Variants in SNX25 observed in about 807,000 individuals in gnomAD.
SNX25 encodes the protein sorting nexin 25, also known as sorting nexin-25.
Under a neutral mutation model 113.7 loss-of-function variants are expected in SNX25, and 62 were observed. The ratio of observed to expected loss-of-function variants is 0.55; its 90% confidence interval spans 0.44 to 0.67. The LOEUF (loss-of-function observed/expected upper bound fraction) is 0.67, where lower values mean the gene tolerates loss of function less well. Ranked by LOEUF, SNX25 falls within the 30% of genes least tolerant of loss-of-function variation. The pLI, the probability that SNX25 is intolerant of heterozygous loss-of-function variation, is 0.00. For synonymous variants in SNX25, 421 were observed against 436.2 expected (o/e 0.97, Z 0.43); for missense variants, 1,014 against 1,161.0 (o/e 0.87, Z 1.84).
intron 1 of SNX25, among the ~76,000 whole-genome samples, chr4:185,245,892 AT>A (rs986355440): frequency 2.0e-5 from 3 of 151,796 alleles, no homozygotes; most frequent in East Asian, 1.9e-4. Context: ...GTTACTTCCA[AT>A]TTTTTTTGCC....
intron 1 of SNX25, among the ~76,000 whole-genome samples, chr4:185,228,529 T>G (rs1741354345): frequency 6.6e-6 from 1 of 152,124 alleles, no homozygotes; most frequent in Non-Finnish European, 1.5e-5. Context: ...TAGAGGATAA[T>G]TTTTTTATTT....
chr4:185,272,489 G>T (rs116359547), intron 5 of SNX25, among the ~76,000 whole-genome samples: 1 of 152,178 alleles, frequency 6.6e-6, no homozygotes, highest in African/African-American at 2.4e-5. Context: ...CAGTGCATTT[G>T]TAAACTGTGT....
At chr4:185,251,690 C>T (rs1316097554) in intron 2 of SNX25, among the ~76,000 whole-genome samples, 2 of 151,354 alleles carry the variant, frequency 1.3e-5, no homozygotes, top group African/African-American at 2.4e-5. Context: ...TTGCTTTCCA[C>T]CTTTTGGCTA....
At chr4:185,339,356 C>T (rs1338813644) in intron 10 of SNX25, 23 bp from the exon 11 acceptor site, 9 of 1,611,796 alleles carry the variant, frequency 5.6e-6, no homozygotes, top group Non-Finnish European at 5.9e-6. Context: ...TTCATAACTC[C>T]CAGGATATTT....
chr4:185,224,466 A>AATATATAAATATATAGATATATAAATAG (rs1740564654), intron 1 of SNX25, among the ~76,000 whole-genome samples: 3 of 103,620 alleles, frequency 2.9e-5, no homozygotes, highest in Non-Finnish European at 4.2e-5. Flanking sequence ...TAGATATATA[A>AATATATAAATATATAGATATATAAATAG]ATATATAAAT....
chr4:185,289,726 A>C (rs1399284302), intron 6 of SNX25, among the ~76,000 whole-genome samples: 1 of 152,158 alleles, frequency 6.6e-6, no homozygotes, highest in Non-Finnish European at 1.5e-5. Context: ...TCACTTCCAG[A>C]CAGATGGATA....
intron 7 of SNX25, among the ~76,000 whole-genome samples, chr4:185,312,108 T>G (rs1238775715): frequency 6.6e-6 from 1 of 152,176 alleles, no homozygotes; most frequent in South Asian, 2.1e-4. Flanking sequence ...CCTCTTAGAT[T>G]AATTTCTAGC....
intron 6 of SNX25, among the ~76,000 whole-genome samples, chr4:185,305,167 G>A: frequency 6.6e-6 from 1 of 152,142 alleles, no homozygotes; most frequent in Middle Eastern, 3.2e-3. Context: ...TGGGGGAAGG[G>A]ATGCTACTGG....
chr4:185,368,956 G>A (rs763716938), downstream of SNX25, among the ~76,000 whole-genome samples: 1 of 151,784 alleles, frequency 6.6e-6, no homozygotes, highest in Non-Finnish European at 1.5e-5. Flanking sequence ...ACCATGATGG[G>A]CTAATTTTTG....
rs140898144 is a variant in SNX25 at position 185,300,738 on chromosome 4, C to T, written c.1163-9897C>T. ...AATTCATATGTTGAAACCTAATCAC[C>T]AAGGTGATGGTATTACAAAGTGGAA... is the stretch of plus-strand genomic sequence containing the variant. On this transcript the variant is annotated intron_variant, in intron 6 of 18. Transcript: ENST00000652585. 4.0e-3 allele frequency among the ~76,000 whole-genome samples: 609 copies of T among 151,818 alleles called. 2 individuals carry two copies. The highest frequency in any genetic ancestry group is 7.0e-3 in the Non-Finnish European group (478 of 67,962).
In SNX25 at chr4:185,239,440, A is replaced by G. The variant is rs371197097; in HGVS notation, c.430-7854A>G. ...GGAGCTTGCAGTGAGCTGAGATCGC[A>G]CCGCTGCACTCCAGCCTGGCAACAG... On this transcript the variant is annotated intron_variant, in intron 1 of 18. Coordinates refer to ENST00000652585, the MANE Select transcript of SNX25 (RefSeq NM_001378034.2). Among the ~76,000 whole-genome samples, 1,015 of 151,550 alleles carry G rather than the reference A, an allele frequency of 6.7e-3. 6 individuals are homozygous for G. The highest frequency in any genetic ancestry group is 0.019 in the African/African-American group (780 of 41,330).
intron 16 of SNX25, among the ~76,000 whole-genome samples, chr4:185,360,664 AC>A (rs1426981497): frequency 3.9e-5 from 6 of 152,086 alleles, no homozygotes; most frequent in African/African-American, 1.4e-4. Flanking sequence ...GTGACCAATG[AC>A]TGGCCGGGTG....
chr4:185,303,236 T>C (rs1156887927), intron 6 of SNX25, among the ~76,000 whole-genome samples: 1 of 152,144 alleles, frequency 6.6e-6, no homozygotes, highest in Non-Finnish European at 1.5e-5. Flanking sequence ...ACAGTGCTGA[T>C]TTGGGAACGG....
downstream of SNX25, among the ~76,000 whole-genome samples, chr4:185,372,687 G>A (rs966906883): frequency 7.2e-5 from 11 of 152,196 alleles, no homozygotes; most frequent in African/African-American, 2.4e-4. Context: ...TTATAAAAGA[G>A]GTTTCCTGTA....
intron 1 of SNX25, among the ~76,000 whole-genome samples, chr4:185,212,494 T>TG (rs1553980614): frequency 3.0e-5 from 4 of 133,770 alleles, no homozygotes; most frequent in East Asian, 2.0e-4. Flanking sequence ...TGTGTGTGTT[T>TG]TTTTTTTTTT....
intron 3 of SNX25, among the ~76,000 whole-genome samples, chr4:185,260,242 A>G (rs1269378233): frequency 1.3e-5 from 2 of 151,330 alleles, no homozygotes; most frequent in Non-Finnish European, 3.0e-5. Flanking sequence ...AAGTAAAACA[A>G]TGGTTTGAAA....
At chr4:185,375,999 T>C in the SNX25 span, among the ~76,000 whole-genome samples, 1 of 152,114 alleles carries the variant, frequency 6.6e-6, no homozygotes, top group East Asian at 1.9e-4. Context: ...AAGTGGGATA[T>C]AGGTGAACAG....
chr4:185,317,858 C>T (rs1033827743), intron 7 of SNX25, among the ~76,000 whole-genome samples: 25 of 152,068 alleles, frequency 1.6e-4, no homozygotes, highest in African/African-American at 4.6e-4. Context: ...ACCTAGATGA[C>T]GGGTAGATAA....
At chr4:185,337,683 A>G (rs1225257783) in intron 10 of SNX25, among the ~76,000 whole-genome samples, 1 of 152,274 alleles carries the variant, frequency 6.6e-6, no homozygotes, top group African/African-American at 2.4e-5. Context: ...ACTCTCTACC[A>G]CAACATCTAT....
Sources: gnomAD v4.1 joint callset for allele counts (sites outside exome capture counted in the v4.1 genomes callset) on GRCh38, gnomAD v4.1.1 for gene constraint, MANE v1.5 for transcripts, NCBI Gene and HGNC (gene_info 2026-07-23, HGNC 2026-07-21) for gene names.